SIRPA: variants seen among roughly 807,000 people sequenced by gnomAD.
The protein encoded by SIRPA is signal regulatory protein alpha, also known as tyrosine-protein phosphatase non-receptor type substrate 1.
In SIRPA, 9 loss-of-function variants were observed where a neutral mutation model predicts 50.3. The ratio of observed to expected loss-of-function variants is 0.18; its 90% CI spans 0.11 to 0.31. SIRPA has a LOEUF of 0.31. Ranked by LOEUF, SIRPA falls within the 10% of genes least tolerant of loss-of-function variation. The probability of loss-of-function intolerance (pLI) is 1.00; values close to 1 mark genes in which losing one functional copy is unlikely to be tolerated. For missense variants in SIRPA, 474 were observed against 661.6 expected (o/e 0.72, Z 3.11); for synonymous variants, 265 against 284.1 (o/e 0.93, Z 0.68).
intron 2 of SIRPA, among the ~76,000 whole-genome samples, chr20:1,918,549 C>T (rs1452479909): frequency 6.6e-6 from 1 of 151,806 alleles, no homozygotes; most frequent in African/African-American, 2.4e-5. Flanking sequence ...CCTTGGGCAA[C>T]CCAGTTCCCC....
In SIRPA at chr20:1,913,421, G is replaced by A. The variant is rs534849618; in HGVS notation, c.80-1678G>A. 3.9e-5 allele frequency among the ~76,000 whole-genome samples: 6 copies of A among 152,350 alleles called. No individual in the cohort carries two copies. In the East Asian group the frequency reaches 9.7e-4, roughly 25 times the overall value. On this transcript the variant is annotated intron_variant, in intron 1 of 7. Transcript: ENST00000358771. ...TGCCAGTGGGGTGGTGCCAGGCCAT[G>A]GGTTGGTGGGCAAATTCACAGGGTC...
chr20:1,930,443 G>A (rs1274477028), intron 6 of SIRPA, among the ~76,000 whole-genome samples: 1 of 152,218 alleles, frequency 6.6e-6, no homozygotes, highest in African/African-American at 2.4e-5. Flanking sequence ...GTGAACAAAC[G>A]AATGAATGAA....
At position 1,918,360 on chromosome 20, in the gene SIRPA, C is replaced by CCTTTTTTTTTTTTT. The variant is rs745958149; in HGVS notation, c.436+2905_436+2906insCTTTTTTTTTTTTT. Among the ~76,000 whole-genome samples the CCTTTTTTTTTTTTT allele has an allele frequency of 1.8e-4, 17 of 95,686 alleles. 3 individuals are homozygous for CCTTTTTTTTTTTTT. Among genetic ancestry groups the CCTTTTTTTTTTTTT allele is most frequent in the Admixed American group, 2.4e-4 (2 of 8,352 alleles). 62.8% of individuals were successfully genotyped at this position (95,686 alleles called of 152,430 possible). On this transcript the variant is annotated intron_variant, in intron 2 of 7. Coordinates refer to ENST00000358771, the MANE Select transcript of SIRPA (RefSeq NM_001040023.2). ...ACAGGGGCACCCACCACCACACCAGCTTTTTTTTTTTTTTTTTTTTTTTGT... is the reference window on the plus strand; with the variant it reads ...ACAGGGGCACCCACCACCACACCAGCCTTTTTTTTTTTTTTTTTTTTTTTTTTTTTTTTTTTTGT...
chr20:1,901,562 G>A (rs1984214157), intron 1 of SIRPA, among the ~76,000 whole-genome samples: 1 of 152,154 alleles, frequency 6.6e-6, no homozygotes, highest in African/African-American at 2.4e-5. Context: ...AGAGAAGGAA[G>A]CATCTATTTT....
chr20:1,900,045 G>A (rs189843825), intron 1 of SIRPA, among the ~76,000 whole-genome samples: 2 of 151,790 alleles, frequency 1.3e-5, no homozygotes, highest in Admixed American at 1.3e-4. Flanking sequence ...AACAGCAAAG[G>A]CTGTTCAGTG....
Position 1,940,591 on chromosome 20 carries a change from A to C in SIRPA, c.*3023A>C, listed in dbSNP as rs1414464163. The C allele has an allele frequency of 6.6e-6, 1 of 152,202 alleles. No individual in the cohort carries two copies. Among genetic ancestry groups the C allele is most frequent in the African/African-American group, 2.4e-5 (1 of 41,442 alleles). The allele number at this position is 152,202 out of a possible 1,614,324, so 9.4% of individuals were successfully genotyped here. On this transcript the variant is annotated 3_prime_UTR_variant, in exon 8 of 8. Coordinates refer to ENST00000358771, the MANE Select transcript of SIRPA (RefSeq NM_001040023.2). The stretch of plus-strand genomic sequence containing the variant: ...AATAAAGTTAAGGCATAAATATGTT[A>C]ATATTTAGTGGTTACTATGTGTCAA...
intron 1 of SIRPA, among the ~76,000 whole-genome samples, chr20:1,902,600 A>C (rs907192839): frequency 6.6e-6 from 1 of 152,208 alleles, no homozygotes; most frequent in Non-Finnish European, 1.5e-5. Context: ...GGAAGAGAAA[A>C]ACACACCCAA....
At chr20:1,912,616 T>C (rs1276313815) in intron 1 of SIRPA, among the ~76,000 whole-genome samples, 2 of 152,232 alleles carry the variant, frequency 1.3e-5, no homozygotes, top group African/African-American at 4.8e-5. Flanking sequence ...AGCTATGTGA[T>C]AATAATGGGA....
At position 1,915,189 on chromosome 20, in the gene SIRPA, C is replaced by T. The variant is rs17855612; in HGVS notation, c.170C>T (p.Ala57Val). 0.2 allele frequency: 253,410 copies of T among 1,259,388 alleles called. 60,113 individuals are homozygous for T. Among genetic ancestry groups the T allele is most frequent in the East Asian group, 0.61 (23,344 of 38,440 alleles). The allele number at this position is 1,259,388 out of a possible 1,614,324, so 78.0% of individuals were successfully genotyped here. A position where few individuals can be genotyped will look rare whatever the true frequency, so the allele number is the denominator to read the frequency against. ...AGETATLRCTATSLIPVGPIQ... is the reference protein window; with the variant it reads ...AGETATLRCTVTSLIPVGPIQ... ...GAGACAGCCACTCTGCGCTGCACTG[C>T]GACCTCTCTGATCCCTGTGGGGCCC... is the stretch of plus-strand genomic sequence containing the variant. The change falls in exon 2 of 8, where the codon GCG (alanine) becomes GTG (valine). Residue 57 changes from alanine (A) to valine (V), a missense_variant. Ala to Val is a moderately conservative substitution (Grantham distance 64). This residue lies in a region of SIRPA where 1 missense variants were observed against 18.8 expected (regional missense o/e 0.05). Coordinates refer to ENST00000358771, the MANE Select transcript of SIRPA (RefSeq NM_001040023.2).
At chr20:1,920,862 G>A (rs141577717) in intron 2 of SIRPA, among the ~76,000 whole-genome samples, 80 of 152,232 alleles carry the variant, frequency 5.3e-4, no homozygotes, top group African/African-American at 1.7e-3. Context: ...TTTAATCCTC[G>A]CTGCATCCCA....
rs958547327 is a variant in SIRPA at position 1,932,933 on chromosome 20, G to T, written c.1227-1782G>T. On this transcript the variant is annotated intron_variant, in intron 6 of 7. Transcript: ENST00000358771. The surrounding 1 kb of genome is among the most constrained non-coding windows in gnomAD (Gnocchi z 6.0). Reference sequence around the variant, plus strand: ...GGGGAGACACAGATATGGGGAAAATGATAATTGGTTATTGTCTGAAATTGC... The same window carrying T: ...GGGGAGACACAGATATGGGGAAAATTATAATTGGTTATTGTCTGAAATTGC... Among the ~76,000 whole-genome samples, 1 of 152,230 alleles carries T rather than the reference G, an allele frequency of 6.6e-6. No individual in the cohort carries two copies. The highest frequency in any genetic ancestry group is 1.5e-5 in the Non-Finnish European group (1 of 68,044).
intron 2 of SIRPA, among the ~76,000 whole-genome samples, chr20:1,918,360 CTTTTTTTTTTTT>C (rs60736526): frequency 1.0e-5 from 1 of 95,698 alleles, no homozygotes; most frequent in Non-Finnish European, 2.0e-5. Flanking sequence ...ACCACACCAG[CTTTTTTTTTTTT>C]TTTTTTTTTT....
chr20:1,927,803 G>A lies in SIRPA; in HGVS notation c.1202-72G>A. ...CCATGTCCCTGGAGGCAAACCTTTT[G>A]CCAAAAAATAGTTACATAAGAAAAG... On this transcript the variant is annotated intron_variant, in intron 5 of 7. Transcript: ENST00000358771. The surrounding 1 kb of genome is among the most constrained non-coding windows in gnomAD (Gnocchi z 6.5). 2 of 1,448,316 alleles carry A rather than the reference G, an allele frequency of 1.4e-6. No individual in the cohort carries two copies. Among genetic ancestry groups the A allele is most frequent in the Non-Finnish European group, 1.9e-6 (2 of 1,028,892 alleles). 89.7% of individuals were successfully genotyped at this position (1,448,316 alleles called of 1,614,324 possible).
At position 1,936,361 on chromosome 20, in the gene SIRPA, C is replaced by G. The variant is rs1478162775; in HGVS notation, c.1267-959C>G. ...TGCTCAATAGGTACCAGGCTCTGTT[C>G]TAAACGCTTTACCTGGATAATCTCA... On this transcript the variant is annotated intron_variant, in intron 7 of 7. Coordinates refer to ENST00000358771, the MANE Select transcript of SIRPA (RefSeq NM_001040023.2). The surrounding 1 kb of genome is among the most constrained non-coding windows in gnomAD (Gnocchi z 4.2). 6.6e-6 allele frequency among the ~76,000 whole-genome samples: 1 copy of G among 152,202 alleles called. No individual in the cohort carries two copies. The highest frequency in any genetic ancestry group is 1.5e-5 in the Non-Finnish European group (1 of 68,040).
At chr20:1,901,163 CTTTTTTTTTTT>C (rs869181595) in intron 1 of SIRPA, among the ~76,000 whole-genome samples, 5 of 78,886 alleles carry the variant, frequency 6.3e-5, no homozygotes, top group Admixed American at 1.8e-4. Flanking sequence ...TTCTTTCTTT[CTTTTTTTTTTT>C]TTTTTTTTTT....
At position 1,936,403 on chromosome 20, in the gene SIRPA, AC is replaced by A. The variant is rs1325646485; in HGVS notation, c.1267-914del. On this transcript the variant is annotated intron_variant, in intron 7 of 7. Coordinates refer to ENST00000358771, the MANE Select transcript of SIRPA (RefSeq NM_001040023.2). This position sits in a 1 kb window ranked among gnomAD's most constrained non-coding sequence, Gnocchi z 4.2. ...ATAATCTCATTCCATCCTCACAGCAACCCTGGCAGTAGACACTATTATCATC... is the reference window on the plus strand; with the variant it reads ...ATAATCTCATTCCATCCTCACAGCAACCTGGCAGTAGACACTATTATCATC... 6.6e-6 allele frequency among the ~76,000 whole-genome samples: 1 copy of A among 152,144 alleles called. No homozygotes were observed. Among genetic ancestry groups the A allele is most frequent in the Non-Finnish European group, 1.5e-5 (1 of 68,016 alleles).
chr20:1,924,935 A>G lies in SIRPA; in HGVS notation c.1201+58A>G, dbSNP rs1985893569. The G allele has an allele frequency of 2.9e-6, 4 of 1,364,324 alleles. No individual in the cohort carries two copies. Among genetic ancestry groups the G allele is most frequent in the Non-Finnish European group, 4.2e-6 (4 of 957,542 alleles). 84.5% of individuals were successfully genotyped at this position (1,364,324 alleles called of 1,614,324 possible). On this transcript the variant is annotated intron_variant, in intron 5 of 7. Coordinates refer to ENST00000358771, the MANE Select transcript of SIRPA (RefSeq NM_001040023.2). This position sits in a 1 kb window ranked among gnomAD's most constrained non-coding sequence, Gnocchi z 4.5. Reference sequence around the variant, plus strand: ...TTGTCCCTGGACTGTCCTCGGAGGGAGACGCCATTAGGTGCTTTGGGTTAA... The same window carrying G: ...TTGTCCCTGGACTGTCCTCGGAGGGGGACGCCATTAGGTGCTTTGGGTTAA...
At chr20:1,918,344 C>T (rs1346600045) in intron 2 of SIRPA, among the ~76,000 whole-genome samples, 1 of 150,820 alleles carries the variant, frequency 6.6e-6, no homozygotes, top group Non-Finnish European at 1.5e-5. Flanking sequence ...TACAGGGGCA[C>T]CCACCACCAC....
intron 1 of SIRPA, among the ~76,000 whole-genome samples, chr20:1,911,752 G>T (rs535922169): frequency 4.9e-4 from 74 of 152,250 alleles, no homozygotes; most frequent in African/African-American, 1.8e-3. Context: ...GGCAGTGCGT[G>T]GGAATGCCTG....
Sources: allele counts gnomAD v4.1 joint callset (sites outside exome capture counted in the v4.1 genomes callset), GRCh38; gene constraint gnomAD v4.1.1; regional missense constraint gnomAD v4.1.1; non-coding constraint Gnocchi (gnomAD v3.1); transcripts MANE v1.5; gene names NCBI Gene and HGNC (gene_info 2026-07-23, HGNC 2026-07-21).